Variants in ZBTB20 observed in about 807,000 individuals in gnomAD.
ZBTB20 encodes the protein zinc finger and BTB domain-containing protein 20.
ZBTB20 carries 9 observed loss-of-function variants against 56.9 expected under a neutral mutation model. The ratio of observed to expected loss-of-function variants is 0.16; its 90% CI spans 0.10 to 0.28. The LOEUF (loss-of-function observed/expected upper bound fraction) is 0.28. Ranked by LOEUF, ZBTB20 falls within the 10% of genes least tolerant of loss-of-function variation. ZBTB20 has a pLI of 1.00. For missense variants in ZBTB20, 655 were observed against 1,003.0 expected (o/e 0.65, Z 4.69); for synonymous variants, 417 against 420.7 (o/e 0.99, Z 0.11).
chr3:114,744,213 T>C (rs2066857137), intron 5 of ZBTB20, among the ~76,000 whole-genome samples: 1 of 152,166 alleles, frequency 6.6e-6, no homozygotes, highest in Non-Finnish European at 1.5e-5. Flanking sequence ...CAAGAGTCAA[T>C]AAGAATCACA....
intron 7 of ZBTB20, among the ~76,000 whole-genome samples, chr3:114,396,759 T>C (rs1358922171): frequency 6.6e-6 from 1 of 152,200 alleles, no homozygotes; most frequent in African/African-American, 2.4e-5. Flanking sequence ...TCTTCTTGAA[T>C]ATTTCTTGAA....
At chr3:114,864,749 TTAA>T (rs2075690858) in intron 4 of ZBTB20, among the ~76,000 whole-genome samples, 3 of 152,002 alleles carry the variant, frequency 2.0e-5, no homozygotes, top group Non-Finnish European at 4.4e-5. Flanking sequence ...ACTTCCGGAG[TTAA>T]ATTTTAAAAG....
At chr3:114,492,856 G>A (rs2109533070) in intron 7 of ZBTB20, among the ~76,000 whole-genome samples, 1 of 152,258 alleles carries the variant, frequency 6.6e-6, no homozygotes, top group East Asian at 1.9e-4. Context: ...CAATCCATCT[G>A]CCTTACTCAG....
At chr3:114,834,398 C>T (rs553804130) in intron 4 of ZBTB20, among the ~76,000 whole-genome samples, 1 of 152,048 alleles carries the variant, frequency 6.6e-6, no homozygotes, top group Non-Finnish European at 1.5e-5. Flanking sequence ...CAAAGAAGAC[C>T]GGAATTCAGC....
At chr3:114,822,208 T>A (rs951898161) in intron 4 of ZBTB20, among the ~76,000 whole-genome samples, 4 of 152,142 alleles carry the variant, frequency 2.6e-5, no homozygotes, top group African/African-American at 9.7e-5. Context: ...CTTGCAGATT[T>A]CAAGGTAGAG....
chr3:114,537,292 G>GA (rs993585862), intron 6 of ZBTB20, among the ~76,000 whole-genome samples: 1 of 151,786 alleles, frequency 6.6e-6, no homozygotes, highest in African/African-American at 2.4e-5. Flanking sequence ...AAATTTACAA[G>GA]AAAAAAACAA....
chr3:114,943,483 A>C (rs1198512755), intron 3 of ZBTB20, among the ~76,000 whole-genome samples: 1 of 145,712 alleles, frequency 6.9e-6, no homozygotes, highest in African/African-American at 2.8e-5. Context: ...AGTGATAAAT[A>C]TGGTTTCAGA....
At chr3:114,780,571 T>A (rs1481227694) in intron 5 of ZBTB20, among the ~76,000 whole-genome samples, 3 of 152,196 alleles carry the variant, frequency 2.0e-5, no homozygotes, top group Non-Finnish European at 2.9e-5. Flanking sequence ...CACTGCAACC[T>A]CCACCTCCCG....
At chr3:115,036,889 G>A (rs1054204612) in intron 2 of ZBTB20, among the ~76,000 whole-genome samples, 2 of 152,086 alleles carry the variant, frequency 1.3e-5, no homozygotes, top group African/African-American at 4.8e-5. Context: ...GAATGTCCAC[G>A]AAGTAAACCA....
At chr3:114,586,698 C>A (rs953376469) in intron 6 of ZBTB20, among the ~76,000 whole-genome samples, 1 of 152,030 alleles carries the variant, frequency 6.6e-6, no homozygotes, top group Non-Finnish European at 1.5e-5. Flanking sequence ...GAATGGAGAC[C>A]CTGGCAGATT....
chr3:114,618,238 CT>C (rs111549198), intron 6 of ZBTB20, among the ~76,000 whole-genome samples: 52 of 119,282 alleles, frequency 4.4e-4, no homozygotes, highest in African/African-American at 6.3e-4. Context: ...TGTTTCTTTC[CT>C]TTTTTTTTTT....
intron 7 of ZBTB20, among the ~76,000 whole-genome samples, chr3:114,416,008 C>G (rs1374778289): frequency 6.6e-6 from 1 of 152,004 alleles, no homozygotes; most frequent in Non-Finnish European, 1.5e-5. Context: ...TATTTTTTTC[C>G]TCTTCACTTT....
At chr3:114,768,190 A>T (rs915906723) in intron 5 of ZBTB20, among the ~76,000 whole-genome samples, 3 of 152,040 alleles carry the variant, frequency 2.0e-5, no homozygotes, top group Admixed American at 2.0e-4. Context: ...CATTAAAAAT[A>T]AAAAGGTGTT....
chr3:114,729,927 A>C (rs1044912920), intron 5 of ZBTB20, among the ~76,000 whole-genome samples: 2 of 149,708 alleles, frequency 1.3e-5, no homozygotes, highest in African/African-American at 4.9e-5. Flanking sequence ...TCTTAGCCTC[A>C]TGAGTAGCTG....
intron 1 of ZBTB20, among the ~76,000 whole-genome samples, chr3:115,076,077 A>T (rs1202861163): frequency 6.6e-6 from 1 of 152,162 alleles, no homozygotes; most frequent in East Asian, 1.9e-4. Context: ...ATTAAAGATT[A>T]TATACTGAAA....
intron 6 of ZBTB20, chr3:114,687,829 G>T (rs1010585182): frequency 1.3e-5 from 2 of 152,088 alleles, no homozygotes; most frequent in African/African-American, 4.8e-5. Flanking sequence ...AAATAATACA[G>T]GCTCTTAAGA....
At position 115,015,426 on chromosome 3, in the gene ZBTB20, C is replaced by G. The variant is rs149866838; in HGVS notation, c.-506-41010G>C. 7.2e-5 allele frequency among the ~76,000 whole-genome samples: 11 copies of G among 151,822 alleles called. No homozygotes were observed. In the East Asian group the frequency reaches 2.2e-3, roughly 30 times the overall value. On this transcript the variant is annotated intron_variant, in intron 2 of 11. Coordinates refer to ENST00000675478, the MANE Select transcript of ZBTB20 (RefSeq NM_001348800.3). ...TCAACCCATCACCTAGGTATTAAAC[C>G]CAGCATCCATTAACTATTCTTCCTG...
chr3:114,780,033 G>T lies in ZBTB20; in HGVS notation c.-343+21068C>A, dbSNP rs1185538063. Among the ~76,000 whole-genome samples, 3 of 152,080 alleles carry T rather than the reference G, an allele frequency of 2.0e-5. No homozygotes were observed. In the East Asian group the frequency reaches 5.8e-4, roughly 29 times the overall value. ...TAGTGAATTTTTAAAAATCTGTAAT[G>T]AATAAAACCAGACTTTAAATCCTGA... is the stretch of plus-strand genomic sequence containing the variant. On this transcript the variant is annotated intron_variant, in intron 5 of 11. Transcript: ENST00000675478.
At chr3:114,495,336 G>A (rs1161494087) in intron 7 of ZBTB20, among the ~76,000 whole-genome samples, 4 of 152,180 alleles carry the variant, frequency 2.6e-5, no homozygotes, top group South Asian at 2.1e-4. Flanking sequence ...AAGGTACAAC[G>A]GAAATGGCTT....
Sources: allele counts gnomAD v4.1 joint callset (sites outside exome capture counted in the v4.1 genomes callset), GRCh38; gene constraint gnomAD v4.1.1; transcripts MANE v1.5; gene names NCBI Gene and HGNC (gene_info 2026-07-23, HGNC 2026-07-21).